TMEM123: variants seen among roughly 807,000 people sequenced by gnomAD.
TMEM123 encodes the protein transmembrane protein 123, also known as porimin.
Under a neutral mutation model 19.7 loss-of-function variants are expected in TMEM123, and 16 were observed. The ratio of observed to expected loss-of-function variants is 0.81; its 90% CI spans 0.55 to 1.23. TMEM123 has a LOEUF of 1.23. Ranked by LOEUF, TMEM123 falls within the 50% of genes most tolerant of loss-of-function variation. The pLI, the probability that TMEM123 is intolerant of heterozygous loss-of-function variation, is 0.00. For synonymous variants in TMEM123, 118 were observed against 99.4 expected, an observed-to-expected ratio of 1.19 and a Z score of -1.12; for missense variants, 313 against 257.8, an observed-to-expected ratio of 1.21 and a Z score of -1.47.
chr11:102,421,858 A>AG (rs1952089717), intron 2 of TMEM123, among the ~76,000 whole-genome samples: 1 of 152,166 alleles, frequency 6.6e-6, no homozygotes, highest in Admixed American at 6.5e-5. Flanking sequence ...CATGATCTGT[A>AG]GAACATCAAT....
intron 1 of TMEM123, among the ~76,000 whole-genome samples, chr11:102,449,817 C>T (rs576728910): frequency 3.9e-5 from 6 of 152,276 alleles, no homozygotes; most frequent in Admixed American, 1.3e-4. Context: ...CTCATCTAAC[C>T]CTCTCAACAA....
intron 2 of TMEM123, among the ~76,000 whole-genome samples, chr11:102,427,773 G>A (rs1030637098): frequency 2.6e-5 from 4 of 151,212 alleles, no homozygotes; most frequent in Admixed American, 6.6e-5. Flanking sequence ...GGGAGGCAGA[G>A]GTTGCAGTGA....
chr11:102,402,742 C>T (rs1951924605), intron 2 of TMEM123, among the ~76,000 whole-genome samples: 1 of 152,196 alleles, frequency 6.6e-6, no homozygotes, highest in Non-Finnish European at 1.5e-5. Flanking sequence ...CAACTTCCCA[C>T]TATGCATTAG....
intron 2 of TMEM123, among the ~76,000 whole-genome samples, chr11:102,402,419 A>G (rs1025767188): frequency 7.2e-5 from 11 of 152,244 alleles, no homozygotes; most frequent in African/African-American, 2.6e-4. Flanking sequence ...AAATTTATAT[A>G]AAGTTAGAAA....
chr11:102,402,955 T>TG (rs1296019048), intron 2 of TMEM123, among the ~76,000 whole-genome samples: 4 of 152,304 alleles, frequency 2.6e-5, no homozygotes, highest in South Asian at 2.1e-4. Context: ...TTTTCTTTTT[T>TG]GGGGGGTATA....
intron 2 of TMEM123, among the ~76,000 whole-genome samples, chr11:102,428,820 T>A (rs1019329577): frequency 6.6e-6 from 1 of 152,162 alleles, no homozygotes; most frequent in Non-Finnish European, 1.5e-5. Flanking sequence ...CAAGAGCAGA[T>A]GTTTCTGAAG....
intron 2 of TMEM123, among the ~76,000 whole-genome samples, chr11:102,408,460 T>G (rs1262826910): frequency 6.6e-6 from 1 of 152,214 alleles, no homozygotes. Context: ...AAGCTCTGGA[T>G]CAGCTCAGCA....
intron 4 of TMEM123, among the ~76,000 whole-genome samples, chr11:102,401,294 A>G (rs1284977664): frequency 1.3e-5 from 2 of 152,238 alleles, no homozygotes; most frequent in African/African-American, 2.4e-5. Flanking sequence ...GGTCTCCTGT[A>G]AAGTGTGTTT....
At chr11:102,402,433 T>G (rs185207956) in intron 2 of TMEM123, among the ~76,000 whole-genome samples, 1 of 151,850 alleles carries the variant, frequency 6.6e-6, no homozygotes, top group African/African-American at 2.4e-5. Context: ...TTAGAAATTT[T>G]GGGGAAGATA....
chr11:102,414,941 C>T (rs373985258), intron 2 of TMEM123, among the ~76,000 whole-genome samples: 113 of 152,250 alleles, frequency 7.4e-4, no homozygotes, highest in African/African-American at 2.7e-3. Context: ...CGTAAGCTAG[C>T]TTCAAGAGAC....
intron 2 of TMEM123, among the ~76,000 whole-genome samples, chr11:102,432,767 C>T (rs1383782999): frequency 6.6e-6 from 1 of 152,222 alleles, no homozygotes; most frequent in Non-Finnish European, 1.5e-5. Flanking sequence ...TTTCCTGGGC[C>T]AGGCCCAGGG....
At chr11:102,439,028 C>G (rs1443013379) in intron 2 of TMEM123, among the ~76,000 whole-genome samples, 1 of 152,168 alleles carries the variant, frequency 6.6e-6, no homozygotes, top group African/African-American at 2.4e-5. Flanking sequence ...AAGGCCGCAG[C>G]GAGGCTGGGG....
At chr11:102,446,547 A>T (rs1014166223) in intron 2 of TMEM123, among the ~76,000 whole-genome samples, 1 of 152,254 alleles carries the variant, frequency 6.6e-6, no homozygotes, top group Non-Finnish European at 1.5e-5. Context: ...TAGTGTTTTG[A>T]TAAGGCAAGT....
chr11:102,412,338 G>C (rs1952012474), intron 2 of TMEM123, among the ~76,000 whole-genome samples: 1 of 152,186 alleles, frequency 6.6e-6, no homozygotes, highest in African/African-American at 2.4e-5. Flanking sequence ...TGAGGCAGGA[G>C]AATCACTTGA....
At chr11:102,449,178 G>A (rs1266096168) in intron 1 of TMEM123, 3 of 289,704 alleles carry the variant, frequency 1.0e-5, no homozygotes, top group Non-Finnish European at 6.9e-6. Context: ...ATTGGGGACA[G>A]ATGGGCCAAT....
chr11:102,399,658 TAA>T (rs1565345847), intron 4 of TMEM123, among the ~76,000 whole-genome samples: 2 of 152,198 alleles, frequency 1.3e-5, no homozygotes, highest in Admixed American at 6.5e-5. Flanking sequence ...AACGTAACTT[TAA>T]ATATAACTTT....
chr11:102,417,923 G>A (rs1248453681), intron 2 of TMEM123, among the ~76,000 whole-genome samples: 1 of 152,054 alleles, frequency 6.6e-6, no homozygotes, highest in African/African-American at 2.4e-5. Context: ...AAATGGTACT[G>A]GGATAACTGG....
At chr11:102,421,243 G>A (rs1952084564) in intron 2 of TMEM123, among the ~76,000 whole-genome samples, 1 of 152,084 alleles carries the variant, frequency 6.6e-6, no homozygotes, top group South Asian at 2.1e-4. Context: ...AAATCCACAT[G>A]AAATAATAAC....
intron 2 of TMEM123, among the ~76,000 whole-genome samples, chr11:102,446,451 C>T (rs1857884225): frequency 1.3e-5 from 2 of 152,106 alleles, no homozygotes; most frequent in Non-Finnish European, 2.9e-5. Flanking sequence ...CTTCAAGTAC[C>T]TATATTACTG....
Sources: gnomAD v4.1 joint callset for allele counts (sites outside exome capture counted in the v4.1 genomes callset) on GRCh38, gnomAD v4.1.1 for gene constraint, MANE v1.5 for transcripts, NCBI Gene and HGNC (gene_info 2026-07-23, HGNC 2026-07-21) for gene names.